Variants in THRAP3 observed in about 807,000 individuals in gnomAD.
THRAP3 encodes the protein thyroid hormone receptor-associated protein 3.
THRAP3 carries 16 observed loss-of-function variants against 101.0 expected under a neutral mutation model. The ratio of observed to expected loss-of-function variants is 0.16; its 90% CI spans 0.11 to 0.24. The LOEUF (loss-of-function observed/expected upper bound fraction) is 0.24. THRAP3 is among the 10% of genes least tolerant of loss of function. The pLI is 1.00. For synonymous variants in THRAP3, 407 were observed against 422.6 expected (o/e 0.96, Z 0.45); for missense variants, 989 against 1,202.7 (o/e 0.82, Z 2.63).
chr1:36,254,290 T>G (rs1018032860), intron 1 of THRAP3, among the ~76,000 whole-genome samples: 2 of 152,348 alleles, frequency 1.3e-5, no homozygotes, highest in South Asian at 4.1e-4. Flanking sequence ...ATTTGCTTTC[T>G]TGTAAGTTGG....
chr1:36,262,705 T>G (rs1420628267), intron 2 of THRAP3, among the ~76,000 whole-genome samples: 1 of 152,150 alleles, frequency 6.6e-6, no homozygotes, highest in African/African-American at 2.4e-5. Context: ...TTTTTTAAAG[T>G]TCTGTAGGTG....
At chr1:36,275,041 G>A (rs1422910915) in intron 2 of THRAP3, among the ~76,000 whole-genome samples, 113 of 145,036 alleles carry the variant, frequency 7.8e-4, no homozygotes, top group Middle Eastern at 4.0e-3. Flanking sequence ...TGGGAGGCTG[G>A]GGCAGGGGGA....
At chr1:36,231,070 T>C (rs1032427974) in intron 1 of THRAP3, among the ~76,000 whole-genome samples, 7 of 152,226 alleles carry the variant, frequency 4.6e-5, no homozygotes, top group African/African-American at 1.7e-4. Context: ...ATTTTCCATC[T>C]TTTATTACCT....
Position 36,287,048 on chromosome 1 carries a change from C to T in THRAP3, c.818C>T (p.Pro273Leu). The change falls in exon 4 of 12, where the codon CCT becomes CTT. Residue 273 changes from proline (P) to leucine (L), a missense_variant. Physicochemically the swap from Pro to Leu is moderately conservative, Grantham distance 98 (BLOSUM62 -3). Transcript: ENST00000354618. ...CCCCGTCCTAGCCCCGTGCCAAAAC[C>T]TAGTCCTCCACTTTCCAGCACATCC... ...RSPRPSPVPK[P>L]SPPLSSTSQM... 1 of 1,613,690 alleles carries T rather than the reference C, an allele frequency of 6.2e-7. No individual in the cohort carries two copies. Among genetic ancestry groups the T allele is most frequent in the Non-Finnish European group, 8.5e-7 (1 of 1,179,694 alleles).
At chr1:36,281,271 T>C (rs1645727997) in intron 2 of THRAP3, among the ~76,000 whole-genome samples, 1 of 152,210 alleles carries the variant, frequency 6.6e-6, no homozygotes, top group African/African-American at 2.4e-5. Context: ...TGCCACATAC[T>C]CTGTAACTAA....
intron 2 of THRAP3, among the ~76,000 whole-genome samples, chr1:36,276,779 C>T (rs1413158975): frequency 6.6e-6 from 1 of 151,448 alleles, no homozygotes; most frequent in Admixed American, 6.6e-5. Flanking sequence ...ATCACTTGAA[C>T]CGGGGAGGTG....
intron 1 of THRAP3, among the ~76,000 whole-genome samples, chr1:36,245,125 A>G (rs1475880569): frequency 2.0e-5 from 3 of 149,712 alleles, no homozygotes; most frequent in Non-Finnish European, 4.4e-5. Flanking sequence ...GAGTTCTGAC[A>G]TGTATTATAT....
intron 1 of THRAP3, among the ~76,000 whole-genome samples, chr1:36,230,465 G>A (rs1645015893): frequency 6.6e-6 from 1 of 151,750 alleles, no homozygotes; most frequent in Admixed American, 6.6e-5. Context: ...GTTTCGCCAA[G>A]TTGGCCAGGT....
At chr1:36,218,320 G>T in the THRAP3 span, among the ~76,000 whole-genome samples, 1 of 146,282 alleles carries the variant, frequency 6.8e-6, no homozygotes, top group African/African-American at 2.5e-5. Flanking sequence ...AGTGAGCAGA[G>T]ATTGCATCAC....
At chr1:36,262,439 C>T (rs1645458231) in intron 2 of THRAP3, among the ~76,000 whole-genome samples, 1 of 152,174 alleles carries the variant, frequency 6.6e-6, no homozygotes, top group African/African-American at 2.4e-5. Context: ...CTAACACACA[C>T]GTTTTTTTCC....
At chr1:36,214,026 GA>G in the THRAP3 span, among the ~76,000 whole-genome samples, 9 of 126,228 alleles carry the variant, frequency 7.1e-5, no homozygotes, top group Admixed American at 2.3e-4. Flanking sequence ...AAGAAAGAAA[GA>G]AAGAAAGAAA....
At chr1:36,276,395 G>A (rs1215646529) in intron 2 of THRAP3, among the ~76,000 whole-genome samples, 4 of 151,858 alleles carry the variant, frequency 2.6e-5, no homozygotes, top group Admixed American at 6.6e-5. Flanking sequence ...GTGGTGGTGG[G>A]TGCCTGTAGT....
chr1:36,286,354 C>G lies in THRAP3; in HGVS notation c.138-14C>G. The G allele has an allele frequency of 6.4e-7, 1 of 1,552,328 alleles. No homozygotes were observed. The highest frequency in any genetic ancestry group is 1.2e-5 in the South Asian group (1 of 82,350). ...CAAAAATTCAAACATTTGTCTCTTTCCTTTCCATTCCAGTTCTAGGTCTCG... is the reference window on the plus strand; with the variant it reads ...CAAAAATTCAAACATTTGTCTCTTTGCTTTCCATTCCAGTTCTAGGTCTCG... On this transcript the variant is annotated splice_polypyrimidine_tract_variant and intron_variant, in intron 3 of 11. Transcript: ENST00000354618. The surrounding 1 kb of genome is among the most constrained non-coding windows in gnomAD (Gnocchi z 5.5).
At chr1:36,256,375 G>A (rs1052566981) in intron 1 of THRAP3, among the ~76,000 whole-genome samples, 4 of 151,684 alleles carry the variant, frequency 2.6e-5, no homozygotes, top group East Asian at 1.9e-4. Flanking sequence ...ACAGGCGCCC[G>A]CCACCACGCC....
chr1:36,301,050 G>C lies in THRAP3; in HGVS notation c.2468G>C (p.Ser823Thr). Residue 823 changes from serine to threonine, a missense_variant, in exon 10 of 12, where the codon AGT becomes ACT. Coordinates refer to ENST00000354618, the MANE Select transcript of THRAP3 (RefSeq NM_005119.4). ...RLGTKDFVGP[S>T]ERGGGRARGT... Reference sequence around the variant, plus strand: ...GGGACCAAAGACTTTGTGGGTCCAAGTGAAAGAGGAGGTGGCAGAGCTCGA... The same window carrying C: ...GGGACCAAAGACTTTGTGGGTCCAACTGAAAGAGGAGGTGGCAGAGCTCGA... The C allele has an allele frequency of 1.2e-6, 2 of 1,614,208 alleles. No individual in the cohort carries two copies. Among genetic ancestry groups the C allele is most frequent in the Non-Finnish European group, 1.7e-6 (2 of 1,180,024 alleles).
chr1:36,266,010 C>G (rs1413597792), intron 2 of THRAP3, among the ~76,000 whole-genome samples: 1 of 151,954 alleles, frequency 6.6e-6, no homozygotes. Flanking sequence ...AAAGATTAGC[C>G]AGGCATGGTG....
rs1645698604 is a variant in THRAP3 at position 36,278,965 on chromosome 1, TAAATA to T, written c.-31-3561_-31-3557del. On this transcript the variant is annotated intron_variant, in intron 2 of 11. Coordinates refer to ENST00000354618, the MANE Select transcript of THRAP3 (RefSeq NM_005119.4). ...ATAAAAATAAAATAAAATAAATACATAAATAAAATAATTAGTTTCAATTCATGTTA... is the reference window on the plus strand; with the variant it reads ...ATAAAAATAAAATAAAATAAATACATAAATAATTAGTTTCAATTCATGTTA... 1.1e-4 allele frequency among the ~76,000 whole-genome samples: 17 copies of T among 151,898 alleles called. 1 individual carries two copies. The South Asian group carries it at 3.3e-3, about 30-fold the overall frequency.
At chr1:36,254,575 A>C (rs1187538971) in intron 1 of THRAP3, among the ~76,000 whole-genome samples, 1 of 152,200 alleles carries the variant, frequency 6.6e-6, no homozygotes, top group East Asian at 1.9e-4. Flanking sequence ...AGCAGAGCAA[A>C]GCAGTGAGAC....
chr1:36,284,693 A>G (rs1257678133), intron 3 of THRAP3, among the ~76,000 whole-genome samples: 3 of 152,210 alleles, frequency 2.0e-5, no homozygotes, highest in African/African-American at 4.8e-5. Context: ...CATCTGTGCA[A>G]TGACTGTGAG....
Sources: allele counts gnomAD v4.1 joint callset (sites outside exome capture counted in the v4.1 genomes callset), GRCh38; gene constraint gnomAD v4.1.1; non-coding constraint Gnocchi (gnomAD v3.1); transcripts MANE v1.5; gene names NCBI Gene and HGNC (gene_info 2026-07-23, HGNC 2026-07-21).